HTR3E: variants seen among roughly 807,000 people sequenced by gnomAD.
HTR3E encodes the protein 5-hydroxytryptamine receptor 3E.
HTR3E carries 38 observed loss-of-function variants against 38.0 expected under a neutral mutation model. The observed-to-expected ratio is 1.00, with a 90% confidence interval of 0.77 to 1.31. HTR3E has a LOEUF of 1.31. Among genes scored for constraint, HTR3E ranks in the 50% most tolerant of loss-of-function variants. HTR3E has a pLI of 0.00. For missense variants in HTR3E, 547 were observed against 585.2 expected (o/e 0.93, Z 0.67); for synonymous variants, 210 against 232.9 (o/e 0.90, Z 0.89).
intron 4 of HTR3E, 110 bp downstream of exon 4, chr3:184,104,401 C>T: frequency 6.7e-7 from 1 of 1,486,220 alleles, no homozygotes; most frequent in Admixed American, 2.4e-5. Flanking sequence ...AAGAAACAAC[C>T]AGAGAGATAA....
At chr3:184,101,844 G>T (rs1019305906) in intron 3 of HTR3E, among the ~76,000 whole-genome samples, 9 of 152,120 alleles carry the variant, frequency 5.9e-5, no homozygotes, top group African/African-American at 2.2e-4. Flanking sequence ...ACAAAAATTA[G>T]CTGGGCATGG....
chr3:184,102,443 A>G (rs1712104329), intron 3 of HTR3E, among the ~76,000 whole-genome samples: 1 of 142,156 alleles, frequency 7.0e-6, no homozygotes, highest in Non-Finnish European at 1.5e-5. Context: ...TAGCCTGGGC[A>G]ACAGAGTGAG....
chr3:184,097,691 G>A, intron 1 of HTR3E, 95 bp downstream of exon 1: 6 of 825,956 alleles, frequency 7.3e-6, no homozygotes, highest in Non-Finnish European at 1.2e-5. Context: ...AACTCCTAGA[G>A]ATTGTCTAAG....
chr3:184,104,375 T>A, intron 4 of HTR3E, 84 bp downstream of exon 4: 1 of 1,536,546 alleles, frequency 6.5e-7, no homozygotes, highest in Non-Finnish European at 8.8e-7. Context: ...CCACTGTAAG[T>A]GGTCTTTAGA....
chr3:184,104,119 C>CA (rs1028755034), intron 3 of HTR3E, 63 bp from the exon 4 acceptor site: 28 of 1,087,572 alleles, frequency 2.6e-5, no homozygotes, highest in Non-Finnish European at 3.4e-5. Context: ...TATTTCATAA[C>CA]TTTTTTTTTT....
At position 184,097,328 on chromosome 3, in the gene HTR3E, A is replaced by C. The variant is rs150585502; in HGVS notation, c.-202A>C. 5.3e-4 allele frequency: 296 copies of C among 561,044 alleles called. 1 individual carries two copies. Among genetic ancestry groups the C allele is most frequent in the African/African-American group, 4.9e-3 (259 of 53,188 alleles). The allele number at this position is 561,044 out of a possible 1,614,324, so 34.8% of individuals were successfully genotyped here. On this transcript the variant is annotated 5_prime_UTR_variant, in exon 1 of 9. Coordinates refer to ENST00000415389, the MANE Select transcript of HTR3E (RefSeq NM_001256613.2). ...TTGCAGTGAAATACCTAAGACTAAG[A>C]TAAAGTCTTAAAAGCAGACTGAACC...
intron 3 of HTR3E, among the ~76,000 whole-genome samples, chr3:184,102,691 G>A (rs1390404658): frequency 1.3e-5 from 2 of 151,360 alleles, no homozygotes; most frequent in Non-Finnish European, 1.5e-5. Context: ...TTGGGAGGCC[G>A]AGGCCGGTGG....
chr3:184,102,037 A>G (rs2108991158), intron 3 of HTR3E, among the ~76,000 whole-genome samples: 1 of 152,316 alleles, frequency 6.6e-6, no homozygotes, highest in African/African-American at 2.4e-5. Flanking sequence ...AGGAGTAAAT[A>G]TATAGTGATT....
chr3:184,106,073 G>A lies in HTR3E; in HGVS notation c.926-55G>A. The stretch of plus-strand genomic sequence containing the variant: ...TATGCCTGCCAGGGTGGGATTGGAA[G>A]AGAAGAAATTCTAGGTGGTGCCTCT... On this transcript the variant is annotated intron_variant, in intron 7 of 8. Coordinates refer to ENST00000415389, the MANE Select transcript of HTR3E (RefSeq NM_001256613.2). This position sits in a 1 kb window ranked among gnomAD's most constrained non-coding sequence, Gnocchi z 4.1. 2.6e-6 allele frequency: 4 copies of A among 1,526,744 alleles called. No individual in the cohort carries two copies. The highest frequency in any genetic ancestry group is 1.2e-5 in the South Asian group (1 of 86,204). 94.6% of individuals were successfully genotyped at this position (1,526,744 alleles called of 1,614,324 possible).
chr3:184,104,737 A>T, intron 4 of HTR3E, 50 bp from the exon 5 acceptor site: 4 of 1,311,288 alleles, frequency 3.1e-6, no homozygotes, highest in Non-Finnish European at 3.1e-6. Context: ...AAAAAAAAAA[A>T]AGAGAGAGAG....
At position 184,100,055 on chromosome 3, in the gene HTR3E, C is replaced by T. The variant is rs573764427; in HGVS notation, c.68-430C>T. 8.1e-5 allele frequency: 90 copies of T among 1,110,450 alleles called. No individual in the cohort carries two copies. The African/African-American group carries it at 1.4e-3, about 17-fold the overall frequency. 68.8% of individuals were successfully genotyped at this position (1,110,450 alleles called of 1,614,324 possible). On this transcript the variant is annotated intron_variant, in intron 1 of 8. Coordinates refer to ENST00000415389, the MANE Select transcript of HTR3E (RefSeq NM_001256613.2). ...TTCCAGAATTTGCATTCCAGCTCAC[C>T]CCATCCTCCCGGGCCTCGGAAGGAA...
At position 184,106,614 on chromosome 3, in the gene HTR3E, T is replaced by C. The variant is rs769101149; in HGVS notation, c.1292T>C (p.Met431Thr). 8 of 1,614,104 alleles carry C rather than the reference T, an allele frequency of 5.0e-6. No homozygotes were observed. The African/African-American group carries it at 9.3e-5, about 19-fold the overall frequency. ...CTGTGGTTGCAGTTCAGCCACGCGA[T>C]GGACGCCATGCTCTTCCGCCTCTAC... ...VELWLQFSHA[M>T]DAMLFRLYLL... Residue 431 changes from methionine to threonine, a missense_variant, in exon 9 of 9, where the codon ATG becomes ACG. Physicochemically the swap from Met to Thr is moderately conservative, Grantham distance 81. Transcript: ENST00000415389. The surrounding 1 kb of genome is among the most constrained non-coding windows in gnomAD (Gnocchi z 4.1).
rs1711729971 is a variant in HTR3E at position 184,097,565 on chromosome 3, C to T, written c.36C>T (p.Ser12=). The T allele has an allele frequency of 6.5e-7, 1 of 1,535,816 alleles. No homozygotes were observed. The highest frequency in any genetic ancestry group is 1.4e-5 in the African/African-American group (1 of 73,032). The change falls in exon 1 of 9, where the codon TCC becomes TCT. Residue 12 remains serine (S), a synonymous_variant. Coordinates refer to ENST00000415389, the MANE Select transcript of HTR3E (RefSeq NM_001256613.2). ...EGSWFHRKRF[S]FYLLLGFLLQ... ...GCTGGTTCCACAGGAAAAGATTTTC[C>T]TTCTACCTCCTTCTCGGTTTTCTGC... is the stretch of plus-strand genomic sequence containing the variant.
In HTR3E at chr3:184,105,376, C is replaced by A. The variant is rs772940697; in HGVS notation, c.669C>A (p.Ala223=). ...GGGAGCTCCTGGGCCTCAGCAAGGCCACCGCAAAGTTGTCCAGGGGAGGCA... is the reference window on the plus strand; with the variant it reads ...GGGAGCTCCTGGGCCTCAGCAAGGCAACCGCAAAGTTGTCCAGGGGAGGCA... ...GEWELLGLSK[A]TAKLSRGGNL... The change falls in exon 6 of 9, where the codon GCC becomes GCA. Residue 223 remains alanine (A), a synonymous_variant. Coordinates refer to ENST00000415389, the MANE Select transcript of HTR3E (RefSeq NM_001256613.2). The A allele has an allele frequency of 6.2e-7, 1 of 1,614,050 alleles. No homozygotes were observed. Among genetic ancestry groups the A allele is most frequent in the African/African-American group, 1.3e-5 (1 of 74,938 alleles).
intron 5 of HTR3E, 60 bp from the exon 6 acceptor site, chr3:184,105,207 C>T: frequency 2.0e-6 from 3 of 1,506,706 alleles, no homozygotes; most frequent in Non-Finnish European, 2.7e-6. Flanking sequence ...AAAAAGAGTG[C>T]AGTTGAGCCA....
Position 184,103,639 on chromosome 3 carries a change from A to AG in HTR3E, c.280-543_280-542insG, listed in dbSNP as rs1426375957. On this transcript the variant is annotated intron_variant, in intron 3 of 8. Coordinates refer to ENST00000415389, the MANE Select transcript of HTR3E (RefSeq NM_001256613.2). ...GCAAGACTCCATCTCAAAAAAAAAA[A>AG]AAAAAAAAAATTAGCCAGATGGTGG... is the stretch of plus-strand genomic sequence containing the variant. 6.0e-5 allele frequency among the ~76,000 whole-genome samples: 9 copies of AG among 150,770 alleles called. 1 individual carries two copies. The highest frequency in any genetic ancestry group is 4.6e-4 in the Admixed American group (7 of 15,098).
chr3:184,102,769 CA>C (rs1432996401), intron 3 of HTR3E, among the ~76,000 whole-genome samples: 1 of 151,226 alleles, frequency 6.6e-6, no homozygotes, highest in African/African-American at 2.4e-5. Context: ...TACTAAAATA[CA>C]AAAAATTAGC....
chr3:184,106,524 C>A lies in HTR3E; in HGVS notation c.1202C>A (p.Thr401Lys), dbSNP rs1712471930. ...QMPGPAEAEL[T>K]GGSEWTRAQR... ...CCGGGCCCTGCGGAGGCAGAGCTGA[C>A]AGGGGGCTCAGAATGGACAAGGGCC... Residue 401 changes from threonine to lysine, a missense_variant, in exon 9 of 9, where the codon ACA becomes AAA. Transcript: ENST00000415389. This position sits in a 1 kb window ranked among gnomAD's most constrained non-coding sequence, Gnocchi z 4.1. 1 of 1,613,116 alleles carries A rather than the reference C, an allele frequency of 6.2e-7. No individual in the cohort carries two copies. Among genetic ancestry groups the A allele is most frequent in the Non-Finnish European group, 8.5e-7 (1 of 1,179,546 alleles).
In HTR3E at chr3:184,106,632, G is replaced by A. The variant is rs112982031; in HGVS notation, c.1310G>A (p.Arg437His). The A allele has an allele frequency of 1.2e-4, 198 of 1,614,142 alleles. 1 individual carries two copies. In the African/African-American group the frequency reaches 1.6e-3, roughly 13 times the overall value. The change falls in exon 9 of 9, where the codon CGC becomes CAC. Residue 437 changes from arginine (R) to histidine (H), a missense_variant. Coordinates refer to ENST00000415389, the MANE Select transcript of HTR3E (RefSeq NM_001256613.2). This position sits in a 1 kb window ranked among gnomAD's most constrained non-coding sequence, Gnocchi z 4.1. ...CACGCGATGGACGCCATGCTCTTCC[G>A]CCTCTACCTGCTCTTCATGGCCTCC... The part of the protein sequence containing the change: ...FSHAMDAMLF[R>H]LYLLFMASSI...
Sources: gnomAD v4.1 joint callset for allele counts (sites outside exome capture counted in the v4.1 genomes callset) on GRCh38, gnomAD v4.1.1 for gene constraint, Gnocchi (gnomAD v3.1) non-coding constraint, MANE v1.5 for transcripts, NCBI Gene and HGNC (gene_info 2026-07-23, HGNC 2026-07-21) for gene names.